SLC39A9: variants seen among roughly 807,000 people sequenced by gnomAD.
SLC39A9 encodes solute carrier family 39 member 9.
Under a neutral mutation model 28.4 loss-of-function variants are expected in SLC39A9, and 14 were observed. That is an observed-to-expected ratio of 0.49 (90% CI 0.33 to 0.77). The LOEUF is 0.77. Among genes scored for constraint, SLC39A9 ranks in the 30% least tolerant of loss-of-function variants. The probability of loss-of-function intolerance (pLI) is 0.02; values close to 1 mark genes in which losing one functional copy is unlikely to be tolerated. For missense variants in SLC39A9, 283 were observed against 381.1 expected, an observed-to-expected ratio of 0.74 and a Z score of 2.14; for synonymous variants, 119 against 149.6, an observed-to-expected ratio of 0.80 and a Z score of 1.49.
At chr14:69,409,403 G>A (rs1204301656) in intron 1 of SLC39A9, among the ~76,000 whole-genome samples, 2 of 152,104 alleles carry the variant, frequency 1.3e-5, no homozygotes, top group African/African-American at 2.4e-5. Context: ...TGGCATGTTT[G>A]TTTTGGTTCA....
chr14:69,449,349 C>G lies in SLC39A9; in HGVS notation c.404-3892C>G, dbSNP rs921663523. Among the ~76,000 whole-genome samples the G allele has an allele frequency of 8.5e-5, 13 of 152,252 alleles. No homozygotes were observed. In the East Asian group the frequency reaches 2.3e-3, roughly 27 times the overall value. On this transcript the variant is annotated intron_variant, in intron 3 of 6. Coordinates refer to ENST00000336643, the MANE Select transcript of SLC39A9 (RefSeq NM_018375.5). ...CAGTTTCAATTTAACGTAGGCTGAG[C>G]ATGGTGACTCACGCCTGTAATCCCA...
chr14:69,453,393 T>C (rs996504309), intron 4 of SLC39A9, 84 bp downstream of exon 4: 5 of 1,283,364 alleles, frequency 3.9e-6, no homozygotes, highest in African/African-American at 2.9e-5. Context: ...ACCGTCCTCA[T>C]TGAATGCTCT....
chr14:69,399,258 C>G lies in SLC39A9; in HGVS notation c.-112C>G. On this transcript the variant is annotated 5_prime_UTR_variant, in exon 1 of 7. Transcript: ENST00000336643. ...TCTGCTGGTGGGAAGGCCTAAAGAA[C>G]TGGAAAGCCCACTCTCTTGGAACCA... 4 of 896,202 alleles carry G rather than the reference C, an allele frequency of 4.5e-6. No homozygotes were observed. The South Asian group carries it at 5.9e-5, about 13-fold the overall frequency. 55.5% of individuals were successfully genotyped at this position (896,202 alleles called of 1,614,324 possible).
At chr14:69,450,257 G>A (rs538325544) in intron 3 of SLC39A9, among the ~76,000 whole-genome samples, 4 of 152,132 alleles carry the variant, frequency 2.6e-5, no homozygotes, top group African/African-American at 9.6e-5. Flanking sequence ...TTCTCCCAGG[G>A]TATCTTTCTT....
intron 1 of SLC39A9, among the ~76,000 whole-genome samples, chr14:69,407,830 GT>G (rs1175665543): frequency 1.3e-5 from 2 of 150,624 alleles, no homozygotes; most frequent in Non-Finnish European, 3.0e-5. Flanking sequence ...TAGAGACAGG[GT>G]TTTTCCGTGT....
chr14:69,455,996 A>G (rs1885838588), intron 6 of SLC39A9, 130 bp downstream of exon 6: 2 of 1,084,306 alleles, frequency 1.8e-6, no homozygotes, highest in South Asian at 3.4e-5. Context: ...TAAAAACTAT[A>G]CAGGGTAAAT....
Position 69,399,069 on chromosome 14 carries a change from C to T in SLC39A9, c.-301C>T, listed in dbSNP as rs888504603. On this transcript the variant is annotated 5_prime_UTR_variant, in exon 1 of 7. Coordinates refer to ENST00000336643, the MANE Select transcript of SLC39A9 (RefSeq NM_018375.5). ...GAAATCGATCATTCGCACATTTTCC[C>T]CATTGACTTTTCCCATCTCTGTTAA... 7 of 329,908 alleles carry T rather than the reference C, an allele frequency of 2.1e-5. No individual in the cohort carries two copies. The highest frequency in any genetic ancestry group is 3.3e-5 in the Non-Finnish European group (6 of 180,972). 20.4% of individuals were successfully genotyped at this position (329,908 alleles called of 1,614,324 possible).
At chr14:69,436,107 AT>A (rs2140289660) in intron 2 of SLC39A9, among the ~76,000 whole-genome samples, 1 of 151,664 alleles carries the variant, frequency 6.6e-6, no homozygotes, top group African/African-American at 2.4e-5. Flanking sequence ...TATTTGAGGA[AT>A]TTTTACCTTT....
chr14:69,451,418 C>T (rs1885605600), intron 3 of SLC39A9, among the ~76,000 whole-genome samples: 1 of 152,180 alleles, frequency 6.6e-6, no homozygotes, highest in Non-Finnish European at 1.5e-5. Flanking sequence ...CCTACAAGAG[C>T]AGTAACATCT....
chr14:69,449,654 G>A (rs1045063182), intron 3 of SLC39A9, among the ~76,000 whole-genome samples: 3 of 152,208 alleles, frequency 2.0e-5, no homozygotes, highest in South Asian at 4.2e-4. Flanking sequence ...AAGAAACAAG[G>A]ATGGTCGAAT....
At chr14:69,424,635 A>C (rs562611812) in intron 2 of SLC39A9, among the ~76,000 whole-genome samples, 1 of 152,258 alleles carries the variant, frequency 6.6e-6, no homozygotes, top group South Asian at 2.1e-4. Context: ...AAAATTAAAG[A>C]GGCCTTTCCT....
Position 69,458,862 on chromosome 14 carries a change from C to G in SLC39A9, c.*269C>G. ...TTTTGCGTTTTAATATTTCTCTTAA[C>G]CCTATTCTCAGGGAAGATGGAATTT... On this transcript the variant is annotated 3_prime_UTR_variant, in exon 7 of 7. Transcript: ENST00000336643. 8.5e-7 allele frequency: 1 copy of G among 1,179,998 alleles called. No homozygotes were observed. The highest frequency in any genetic ancestry group is 1.0e-6 in the Non-Finnish European group (1 of 952,820). 73.1% of individuals were successfully genotyped at this position (1,179,998 alleles called of 1,614,324 possible). A position where few individuals can be genotyped will look rare whatever the true frequency, so the allele number is the denominator to read the frequency against.
chr14:69,447,206 A>G (rs543768341), intron 3 of SLC39A9, among the ~76,000 whole-genome samples: 5 of 152,354 alleles, frequency 3.3e-5, no homozygotes, highest in Admixed American at 2.6e-4. Flanking sequence ...AGTCAAAATT[A>G]AGGTCACAAG....
Position 69,458,735 on chromosome 14 carries a change from G to T in SLC39A9, c.*142G>T. On this transcript the variant is annotated 3_prime_UTR_variant, in exon 7 of 7. Coordinates refer to ENST00000336643, the MANE Select transcript of SLC39A9 (RefSeq NM_018375.5). ...TCCTAGAGTCCAGAGGGGAGGTGAG[G>T]TTAAAACCTGAGTAATGGAAAAGCT... 1.4e-6 allele frequency: 2 copies of T among 1,397,586 alleles called. No individual in the cohort carries two copies. Among genetic ancestry groups the T allele is most frequent in the Non-Finnish European group, 1.9e-6 (2 of 1,077,270 alleles). The allele number at this position is 1,397,586 out of a possible 1,614,324, so 86.6% of individuals were successfully genotyped here.
At chr14:69,411,223 A>C (rs1002430966) in intron 1 of SLC39A9, among the ~76,000 whole-genome samples, 2 of 152,076 alleles carry the variant, frequency 1.3e-5, no homozygotes, top group Non-Finnish European at 2.9e-5. Flanking sequence ...AAAAAAAAAA[A>C]AAAAAAAAAC....
At chr14:69,439,600 C>T (rs1884945467) in intron 2 of SLC39A9, among the ~76,000 whole-genome samples, 1 of 152,160 alleles carries the variant, frequency 6.6e-6, no homozygotes, top group African/African-American at 2.4e-5. Flanking sequence ...TATTTGTCCC[C>T]TCCACATCTA....
intron 5 of SLC39A9, 113 bp downstream of exon 5, chr14:69,455,010 T>C (rs1309609159): frequency 8.0e-6 from 6 of 751,922 alleles, no homozygotes; most frequent in African/African-American, 3.5e-5. Context: ...TCATAATTGC[T>C]ATTCATTTTG....
chr14:69,400,303 A>G (rs1882561668), intron 1 of SLC39A9, among the ~76,000 whole-genome samples: 2 of 152,240 alleles, frequency 1.3e-5, no homozygotes, highest in African/African-American at 2.4e-5. Context: ...TTGCTTAGCA[A>G]TGAATTTTTG....
chr14:69,448,419 A>G (rs1885447642), intron 3 of SLC39A9, among the ~76,000 whole-genome samples: 1 of 152,188 alleles, frequency 6.6e-6, no homozygotes, highest in Non-Finnish European at 1.5e-5. Context: ...TAACACCACC[A>G]GTGAGCAGCA....
Sources: gnomAD v4.1 joint callset for allele counts (sites outside exome capture counted in the v4.1 genomes callset) on GRCh38, gnomAD v4.1.1 for gene constraint, MANE v1.5 for transcripts, NCBI Gene and HGNC (gene_info 2026-07-23, HGNC 2026-07-21) for gene names.